ADAMTS3: variants seen among roughly 807,000 people sequenced by gnomAD.
The protein encoded by ADAMTS3 is ADAM metallopeptidase with thrombospondin type 1 motif 3, also known as A disintegrin and metalloproteinase with thrombospondin motifs 3.
ADAMTS3 carries 73 observed loss-of-function variants against 129.0 expected under a neutral mutation model. The observed-to-expected ratio is 0.57, with a 90% confidence interval of 0.47 to 0.69. The LOEUF (loss-of-function observed/expected upper bound fraction) is 0.69. ADAMTS3 is among the 30% of genes least tolerant of loss of function. ADAMTS3 has a pLI of 0.00. For synonymous variants in ADAMTS3, 477 were observed against 510.8 expected (o/e 0.93, Z 0.89); for missense variants, 1,457 against 1,514.5 (o/e 0.96, Z 0.63).
At chr4:72,506,310 C>G (rs1373074029) in intron 3 of ADAMTS3, among the ~76,000 whole-genome samples, 1 of 152,130 alleles carries the variant, frequency 6.6e-6, no homozygotes, top group Admixed American at 6.5e-5. Context: ...GCTGGGGCAC[C>G]CAGCAATGGC....
In ADAMTS3 at chr4:72,408,150, AGTAAACTCAT is replaced by A. The variant is rs1169986219; in HGVS notation, c.661+6655_661+6664del. 2.0e-5 allele frequency among the ~76,000 whole-genome samples: 3 copies of A among 152,218 alleles called. No homozygotes were observed. The East Asian group carries it at 5.8e-4, about 29-fold the overall frequency. On this transcript the variant is annotated intron_variant, in intron 4 of 21. Transcript: ENST00000286657. ...GTGTAGTTCTCACATTTAAATTGAC[AGTAAACTCAT>A]GTAAACTCAAACAATTTTCAAATAA... is the stretch of plus-strand genomic sequence containing the variant.
chr4:72,296,399 T>C (rs996061587), intron 18 of ADAMTS3, among the ~76,000 whole-genome samples: 1 of 152,074 alleles, frequency 6.6e-6, no homozygotes, highest in Non-Finnish European at 1.5e-5. Flanking sequence ...TTCTGGACAT[T>C]ATCCTGAAGG....
intron 2 of ADAMTS3, among the ~76,000 whole-genome samples, chr4:72,557,937 T>A (rs1721808591): frequency 6.6e-6 from 1 of 151,876 alleles, no homozygotes; most frequent in African/African-American, 2.4e-5. Flanking sequence ...TCTGCTTATT[T>A]AGCATCATTA....
intron 4 of ADAMTS3, among the ~76,000 whole-genome samples, chr4:72,342,032 T>G (rs1193058938): frequency 2.0e-5 from 3 of 152,220 alleles, no homozygotes; most frequent in Non-Finnish European, 4.4e-5. Flanking sequence ...AATGAATTTG[T>G]CTTAGTAAAA....
chr4:72,475,176 C>T lies in ADAMTS3; in HGVS notation c.505-60205G>A, dbSNP rs1719196749. ...TTAAGCCCTAACATATTAATAATTACATTAAATATAAATAATGTAAATATA... is the reference window on the plus strand; with the variant it reads ...TTAAGCCCTAACATATTAATAATTATATTAAATATAAATAATGTAAATATA... On this transcript the variant is annotated intron_variant, in intron 3 of 21. Transcript: ENST00000286657. Among the ~76,000 whole-genome samples, 12 of 151,824 alleles carry T rather than the reference C, an allele frequency of 7.9e-5. No homozygotes were observed. In the South Asian group the frequency reaches 2.3e-3, roughly 29 times the overall value.
chr4:72,551,289 C>T (rs911472535), intron 2 of ADAMTS3, among the ~76,000 whole-genome samples: 1 of 152,052 alleles, frequency 6.6e-6, no homozygotes, highest in Non-Finnish European at 1.5e-5. Context: ...ACGCAGGGAG[C>T]CTTCTCCATA....
intron 4 of ADAMTS3, among the ~76,000 whole-genome samples, chr4:72,346,973 G>A (rs1720302700): frequency 6.6e-6 from 1 of 152,074 alleles, no homozygotes; most frequent in Admixed American, 6.6e-5. Context: ...TGTTCAAATG[G>A]CTTAAATTAT....
intron 2 of ADAMTS3, among the ~76,000 whole-genome samples, chr4:72,554,583 C>A (rs1721718586): frequency 6.7e-6 from 1 of 148,918 alleles, no homozygotes; most frequent in African/African-American, 2.6e-5. Flanking sequence ...CCAAATCAGG[C>A]TAGAGAGCTA....
chr4:72,494,557 C>T (rs558928264), intron 3 of ADAMTS3, among the ~76,000 whole-genome samples: 1 of 152,116 alleles, frequency 6.6e-6, no homozygotes, highest in East Asian at 1.9e-4. Flanking sequence ...GAACTCTTAC[C>T]CAGTTCATAG....
At chr4:72,322,610 C>T (rs1277292011) in intron 6 of ADAMTS3, among the ~76,000 whole-genome samples, 1 of 151,932 alleles carries the variant, frequency 6.6e-6, no homozygotes, top group Non-Finnish European at 1.5e-5. Context: ...TTATATATTC[C>T]AAGCACCTAG....
At chr4:72,503,314 C>T (rs1703701256) in intron 3 of ADAMTS3, among the ~76,000 whole-genome samples, 2 of 152,212 alleles carry the variant, frequency 1.3e-5, no homozygotes, top group African/African-American at 4.8e-5. Context: ...AGACACCACT[C>T]CCAGCCTTGA....
intron 4 of ADAMTS3, among the ~76,000 whole-genome samples, chr4:72,407,797 T>C (rs1362452305): frequency 6.6e-6 from 1 of 152,184 alleles, no homozygotes; most frequent in African/African-American, 2.4e-5. Flanking sequence ...AAAAAACTTC[T>C]TTTCATTCAG....
At chr4:72,329,186 A>C (rs947970264) in intron 5 of ADAMTS3, among the ~76,000 whole-genome samples, 1 of 152,240 alleles carries the variant, frequency 6.6e-6, no homozygotes, top group African/African-American at 2.4e-5. Context: ...AAGCATGAAA[A>C]AAAATGAATG....
chr4:72,533,586 T>C (rs1227477686), intron 3 of ADAMTS3, among the ~76,000 whole-genome samples: 1 of 152,134 alleles, frequency 6.6e-6, no homozygotes, highest in Non-Finnish European at 1.5e-5. Flanking sequence ...GCGCAGTACA[T>C]TTATATGTAT....
chr4:72,518,507 GA>G (rs932915597), intron 3 of ADAMTS3, among the ~76,000 whole-genome samples: 1 of 152,032 alleles, frequency 6.6e-6, no homozygotes, highest in African/African-American at 2.4e-5. Context: ...CTTGCTTTAT[GA>G]ATCTGGGTGC....
chr4:72,294,201 T>C (rs1431274601), intron 19 of ADAMTS3, among the ~76,000 whole-genome samples: 2 of 152,058 alleles, frequency 1.3e-5, no homozygotes, highest in Non-Finnish European at 2.9e-5. Flanking sequence ...ACAAATACCA[T>C]GTGACCTTCA....
chr4:72,423,307 G>GA (rs1647020150), intron 3 of ADAMTS3, among the ~76,000 whole-genome samples: 2 of 152,210 alleles, frequency 1.3e-5, no homozygotes, highest in Admixed American at 6.6e-5. Context: ...AAAAGATGCT[G>GA]AAAAAATATA....
intron 4 of ADAMTS3, among the ~76,000 whole-genome samples, chr4:72,382,586 C>G (rs751229608): frequency 1.3e-5 from 2 of 152,138 alleles, no homozygotes; most frequent in African/African-American, 4.8e-5. Context: ...TAAACCTGTA[C>G]GTTTACTGCA....
chr4:72,524,466 T>A (rs1156685234), intron 3 of ADAMTS3, among the ~76,000 whole-genome samples: 1 of 152,164 alleles, frequency 6.6e-6, no homozygotes, highest in African/African-American at 2.4e-5. Flanking sequence ...TCATTGAATC[T>A]TTTTAATGTC....
Sources: allele counts gnomAD v4.1 joint callset (sites outside exome capture counted in the v4.1 genomes callset), GRCh38; gene constraint gnomAD v4.1.1; transcripts MANE v1.5; gene names NCBI Gene and HGNC (gene_info 2026-07-23, HGNC 2026-07-21).